The following PTPRT variants were observed in gnomAD, a reference collection of about 807,000 sequenced individuals.
PTPRT encodes the protein receptor-type tyrosine-protein phosphatase T.
A neutral mutation model predicts 176.8 loss-of-function variants in PTPRT; 56 were observed. The ratio of observed to expected loss-of-function variants is 0.32; its 90% CI spans 0.26 to 0.40. PTPRT has a LOEUF of 0.40. PTPRT is among the 10% of genes least tolerant of loss of function. PTPRT has a pLI of 1.00. For synonymous variants in PTPRT, 783 were observed against 739.0 expected (o/e 1.06, Z -0.96); for missense variants, 1,540 against 1,908.2 (o/e 0.81, Z 3.60).
chr20:42,935,344 T>C (rs1319385472), intron 1 of PTPRT, among the ~76,000 whole-genome samples: 1 of 151,836 alleles, frequency 6.6e-6, no homozygotes, highest in Non-Finnish European at 1.5e-5. Flanking sequence ...CTTGCTATGT[T>C]ACCTAGGCTG....
chr20:43,022,168 G>A (rs890550857), intron 1 of PTPRT, among the ~76,000 whole-genome samples: 1 of 152,216 alleles, frequency 6.6e-6, no homozygotes, highest in African/African-American at 2.4e-5. Flanking sequence ...GTGAGGGTAT[G>A]CGAAGAATGC....
chr20:42,346,906 C>A (rs2145497642), intron 11 of PTPRT, among the ~76,000 whole-genome samples: 1 of 152,300 alleles, frequency 6.6e-6, no homozygotes, highest in Admixed American at 6.5e-5. Flanking sequence ...GTTGGAGGAC[C>A]CCTGAGAATT....
chr20:42,576,158 C>T (rs1171109494), intron 7 of PTPRT, among the ~76,000 whole-genome samples: 1 of 152,116 alleles, frequency 6.6e-6, no homozygotes, highest in Non-Finnish European at 1.5e-5. Context: ...CCCTCCTGGG[C>T]CTTTGTCCCT....
At chr20:42,435,432 T>C (rs2059253794) in intron 9 of PTPRT, among the ~76,000 whole-genome samples, 1 of 151,966 alleles carries the variant, frequency 6.6e-6, no homozygotes, top group African/African-American at 2.4e-5. Flanking sequence ...GAGTTGGCCA[T>C]GGAAGAGGAA....
chr20:43,130,938 G>A (rs1045838023), intron 1 of PTPRT, among the ~76,000 whole-genome samples: 1 of 152,316 alleles, frequency 6.6e-6, no homozygotes. Context: ...TTCAGCAACT[G>A]GTGCAGAGAC....
chr20:42,892,767 A>T (rs563302544), intron 1 of PTPRT, among the ~76,000 whole-genome samples: 14 of 152,370 alleles, frequency 9.2e-5, no homozygotes, highest in South Asian at 4.1e-4. Context: ...GACTGAGACC[A>T]CAGGACTGCG....
intron 9 of PTPRT, among the ~76,000 whole-genome samples, chr20:42,423,115 G>T (rs368081772): frequency 2.1e-4 from 30 of 141,826 alleles, no homozygotes; most frequent in African/African-American, 7.5e-4. Flanking sequence ...ATACCTGGGG[G>T]ATGAAATAAT....
At chr20:42,594,006 G>A (rs1194223539) in intron 7 of PTPRT, among the ~76,000 whole-genome samples, 1 of 152,138 alleles carries the variant, frequency 6.6e-6, no homozygotes, top group Non-Finnish European at 1.5e-5. Context: ...TGAGGCCTTG[G>A]GAATTAATGA....
At chr20:42,904,200 T>G (rs994018116) in intron 1 of PTPRT, among the ~76,000 whole-genome samples, 1 of 152,200 alleles carries the variant, frequency 6.6e-6, no homozygotes, top group Non-Finnish European at 1.5e-5. Flanking sequence ...TTTTTTAATC[T>G]GCAAAGGACC....
chr20:43,146,231 G>A (rs375555781), intron 1 of PTPRT, among the ~76,000 whole-genome samples: 17 of 152,196 alleles, frequency 1.1e-4, no homozygotes, highest in African/African-American at 3.6e-4. Context: ...AATGGATGAC[G>A]CTGAGACAAT....
chr20:42,056,538 G>A, the PTPRT span, among the ~76,000 whole-genome samples: 23 of 152,224 alleles, frequency 1.5e-4, no homozygotes, highest in Admixed American at 1.4e-3. Context: ...ACCGTGTTAT[G>A]TGCAGGGCAG....
At chr20:43,094,526 G>A (rs2012045453) in intron 1 of PTPRT, among the ~76,000 whole-genome samples, 1 of 150,536 alleles carries the variant, frequency 6.6e-6, no homozygotes, top group Admixed American at 6.7e-5. Context: ...AGCCTCCTGA[G>A]TAGCTGGGAT....
intron 7 of PTPRT, among the ~76,000 whole-genome samples, chr20:42,647,158 A>T (rs375617607): frequency 6.6e-6 from 1 of 151,814 alleles, no homozygotes; most frequent in Non-Finnish European, 1.5e-5. Context: ...CTGGCCTCCA[A>T]TGTGTTGGGA....
intron 30 of PTPRT, 96 bp from the exon 31 acceptor site, chr20:42,081,028 T>C: frequency 1.9e-6 from 2 of 1,074,220 alleles, no homozygotes; most frequent in Admixed American, 4.2e-5. Context: ...GAGATACAGA[T>C]TTTGGAGAAA....
chr20:42,453,832 G>A (rs1048940594), intron 8 of PTPRT, among the ~76,000 whole-genome samples: 7 of 122,850 alleles, frequency 5.7e-5, no homozygotes, highest in African/African-American at 2.2e-4. Context: ...GACCACGCCC[G>A]GCTAATTTTT....
chr20:42,709,351 T>C (rs2076109247), intron 6 of PTPRT, among the ~76,000 whole-genome samples: 2 of 152,320 alleles, frequency 1.3e-5, no homozygotes, highest in East Asian at 3.9e-4. Flanking sequence ...CCATCACGAA[T>C]GGCTTGATGG....
chr20:42,058,641 A>G, the PTPRT span, among the ~76,000 whole-genome samples: 3 of 152,196 alleles, frequency 2.0e-5, no homozygotes, highest in Non-Finnish European at 2.9e-5. Flanking sequence ...TTTGCTAATT[A>G]AAATGAAAAG....
chr20:42,678,232 C>G (rs564638423), intron 6 of PTPRT, 73 bp from the exon 7 acceptor site: 1 of 1,424,828 alleles, frequency 7.0e-7, no homozygotes, highest in Non-Finnish European at 9.5e-7. Flanking sequence ...CACATGACGA[C>G]AAGGGACAGA....
chr20:42,294,009 T>C (rs1345966820), intron 12 of PTPRT, among the ~76,000 whole-genome samples: 1 of 152,160 alleles, frequency 6.6e-6, no homozygotes, highest in Non-Finnish European at 1.5e-5. Flanking sequence ...TTCAGCATAA[T>C]TAATGTATAG....
Sources: gnomAD v4.1 joint callset for allele counts (sites outside exome capture counted in the v4.1 genomes callset) on GRCh38, gnomAD v4.1.1 for gene constraint, MANE v1.5 for transcripts, NCBI Gene and HGNC (gene_info 2026-07-23, HGNC 2026-07-21) for gene names.